WNT5B: variants seen among roughly 807,000 people sequenced by gnomAD.
The protein encoded by WNT5B is protein Wnt-5b.
Under a neutral mutation model 36.5 loss-of-function variants are expected in WNT5B, and 18 were observed. The observed-to-expected ratio is 0.49, with a 90% CI of 0.34 to 0.73. The LOEUF (loss-of-function observed/expected upper bound fraction) is 0.73, where lower values mean the gene tolerates loss of function less well. Ranked by LOEUF, WNT5B falls within the 30% of genes least tolerant of loss-of-function variation. The probability of loss-of-function intolerance (pLI) is 0.01; values close to 1 mark genes in which losing one functional copy is unlikely to be tolerated. For synonymous variants in WNT5B, 213 were observed against 212.3 expected (o/e 1.00, Z -0.03); for missense variants, 424 against 508.4 (o/e 0.83, Z 1.60).
intron 3 of WNT5B, among the ~76,000 whole-genome samples, chr12:1,636,406 T>G (rs1177730087): frequency 6.6e-6 from 1 of 150,674 alleles, no homozygotes; most frequent in Non-Finnish European, 1.5e-5. Flanking sequence ...TCCTGGGCAT[T>G]TCTTATAAAT....
At position 1,619,437 on chromosome 12, in the gene WNT5B, A is replaced by G. The variant is rs545904432; in HGVS notation, c.-58+2294A>G. On this transcript the variant is annotated intron_variant, in intron 1 of 4. Coordinates refer to the WNT5B transcript ENST00000310594. Reference sequence around the variant, plus strand: ...CTCGGGAGAAATAATTAAGGCTGGCAGGGAAAGGCTGTGTTAATTGAGCTG... The same window carrying G: ...CTCGGGAGAAATAATTAAGGCTGGCGGGGAAAGGCTGTGTTAATTGAGCTG... Among the ~76,000 whole-genome samples, 77 of 152,308 alleles carry G rather than the reference A, an allele frequency of 5.1e-4. No homozygotes were observed. The Middle Eastern group carries it at 0.01, about 20-fold the overall frequency.
At chr12:1,623,184 G>GGTT (rs1272170104) in intron 1 of WNT5B, among the ~76,000 whole-genome samples, 1 of 53,492 alleles carries the variant, frequency 1.9e-5, no homozygotes, top group African/African-American at 7.4e-5. Context: ...AGGGTTTTTT[G>GGTT]TTGTTTTTTT....
chr12:1,645,743 G>A, intron 4 of WNT5B, 51 bp from the exon 5 acceptor site: 3 of 1,524,650 alleles, frequency 2.0e-6, no homozygotes, highest in East Asian at 4.5e-5. Flanking sequence ...CACCCTCTGG[G>A]CCTCTTCCAC....
At chr12:1,623,417 C>T (rs897822261) in intron 1 of WNT5B, among the ~76,000 whole-genome samples, 4 of 147,094 alleles carry the variant, frequency 2.7e-5, no homozygotes, top group East Asian at 2.0e-4. Context: ...GGATGGTCTC[C>T]ATCTCCTGAC....
chr12:1,625,441 C>T (rs115873398), upstream of WNT5B, among the ~76,000 whole-genome samples: 3,306 of 152,122 alleles, frequency 0.022, 98 homozygotes, highest in African/African-American at 0.074. Context: ...AAATGAGTGG[C>T]CAAAGGGAGA....
intron 4 of WNT5B, among the ~76,000 whole-genome samples, chr12:1,643,775 A>G (rs1200889168): frequency 7.1e-6 from 1 of 141,358 alleles, no homozygotes; most frequent in African/African-American, 2.6e-5. Flanking sequence ...GAGCCTATAT[A>G]TATATATATA....
upstream of WNT5B, among the ~76,000 whole-genome samples, chr12:1,624,860 C>A (rs2094538909): frequency 6.6e-6 from 1 of 151,962 alleles, no homozygotes; most frequent in Non-Finnish European, 1.5e-5. Context: ...GAGGTGCAGA[C>A]CAGATACATG....
rs1033151045 is a variant in WNT5B at position 1,632,322 on chromosome 12, C to T, written c.81-336C>T. ...CCCCTCGTCTTCTTATCTGCCTGACCCCCATTCTTAAGATCCAGTTCAAAT... is the reference window on the plus strand; with the variant it reads ...CCCCTCGTCTTCTTATCTGCCTGACTCCCATTCTTAAGATCCAGTTCAAAT... On this transcript the variant is annotated intron_variant, in intron 2 of 4. Transcript: ENST00000397196. The surrounding 1 kb of genome is among the most constrained non-coding windows in gnomAD (Gnocchi z 5.8). 7.2e-5 allele frequency among the ~76,000 whole-genome samples: 11 copies of T among 152,126 alleles called. No individual in the cohort carries two copies. The highest frequency in any genetic ancestry group is 2.7e-4 in the African/African-American group (11 of 41,412).
At chr12:1,640,010 C>A in intron 4 of WNT5B, 34 bp downstream of exon 4, 1 of 1,585,400 alleles carries the variant, frequency 6.3e-7, no homozygotes, top group Non-Finnish European at 8.6e-7. Flanking sequence ...CCCAGCACTG[C>A]AGACCTAGGG....
In WNT5B at chr12:1,618,948, G is replaced by A. The variant is rs1044044212; in HGVS notation, c.-58+1805G>A. Among the ~76,000 whole-genome samples, 15 of 152,110 alleles carry A rather than the reference G, an allele frequency of 9.9e-5. No homozygotes were observed. The highest frequency in any genetic ancestry group is 4.1e-4 in the South Asian group (2 of 4,826). ...TGAAGGCCTCAGGAATTGTTTCTGC[G>A]CTCCTGCCACCCTGCACTGTGATTG... On this transcript the variant is annotated intron_variant, in intron 1 of 4. Transcript: ENST00000310594. The surrounding 1 kb of genome is among the most constrained non-coding windows in gnomAD (Gnocchi z 4.1).
chr12:1,637,388 T>A (rs1365785290), intron 3 of WNT5B, among the ~76,000 whole-genome samples: 15 of 150,944 alleles, frequency 9.9e-5, no homozygotes, highest in Admixed American at 5.9e-4. Flanking sequence ...GCAATAATAC[T>A]GCAATAATGT....
intron 3 of WNT5B, among the ~76,000 whole-genome samples, chr12:1,638,691 G>A (rs1219788052): frequency 6.6e-6 from 1 of 152,230 alleles, no homozygotes; most frequent in African/African-American, 2.4e-5. Context: ...CGTATTTAGA[G>A]GGACCGTGAT....
At chr12:1,641,170 A>G (rs1372609385) in intron 4 of WNT5B, among the ~76,000 whole-genome samples, 1 of 152,218 alleles carries the variant, frequency 6.6e-6, no homozygotes, top group Non-Finnish European at 1.5e-5. Context: ...GGATCACTTG[A>G]GGCCAGGAGT....
upstream of WNT5B, among the ~76,000 whole-genome samples, chr12:1,626,585 G>A (rs1484258980): frequency 3.9e-5 from 5 of 129,180 alleles, no homozygotes; most frequent in African/African-American, 1.6e-4. Flanking sequence ...TTTTTTTTCA[G>A]ACGGAGTCTC....
At chr12:1,627,413 A>G (rs1467383579), upstream of WNT5B, among the ~76,000 whole-genome samples, 3 of 152,274 alleles carry the variant, frequency 2.0e-5, no homozygotes, top group East Asian at 1.9e-4. This position sits in a 1 kb window ranked among gnomAD's most constrained non-coding sequence, Gnocchi z 5.0. Flanking sequence ...GTGAATGGCT[A>G]ATGACCTGAA....
At chr12:1,624,257 G>A (rs780153321), upstream of WNT5B, among the ~76,000 whole-genome samples, 5 of 151,868 alleles carry the variant, frequency 3.3e-5, no homozygotes, top group Non-Finnish European at 5.9e-5. Context: ...GTGGTGGCAG[G>A]CACCTGTAAT....
chr12:1,631,946 A>T (rs1406742600), intron 2 of WNT5B, among the ~76,000 whole-genome samples: 1 of 152,176 alleles, frequency 6.6e-6, no homozygotes, highest in Admixed American at 6.5e-5. Context: ...GGTCTCTGCC[A>T]CTAGCATTTT....
intron 1 of WNT5B, among the ~76,000 whole-genome samples, chr12:1,623,742 G>A (rs961320332): frequency 2.4e-4 from 36 of 152,126 alleles, no homozygotes; most frequent in African/African-American, 8.7e-4. Context: ...TCTTCCATGA[G>A]CCCCTCACAC....
At chr12:1,638,880 G>A (rs566946063) in intron 3 of WNT5B, among the ~76,000 whole-genome samples, 1 of 152,184 alleles carries the variant, frequency 6.6e-6, no homozygotes, top group Non-Finnish European at 1.5e-5. Context: ...CAGCAGTACC[G>A]ACAGACAGAT....
Sources: allele counts gnomAD v4.1 joint callset (sites outside exome capture counted in the v4.1 genomes callset), GRCh38; gene constraint gnomAD v4.1.1; non-coding constraint Gnocchi (gnomAD v3.1); transcripts MANE v1.5; gene names NCBI Gene and HGNC (gene_info 2026-07-23, HGNC 2026-07-21).